Variants in PRKD1 observed in about 807,000 individuals in gnomAD.
PRKD1 encodes the protein protein kinase D1.
Under a neutral mutation model 95.9 loss-of-function variants are expected in PRKD1, and 63 were observed. The observed-to-expected ratio is 0.66, with a 90% CI of 0.54 to 0.81. The LOEUF (loss-of-function observed/expected upper bound fraction) is 0.81, where lower values mean the gene tolerates loss of function less well. Among genes scored for constraint, PRKD1 ranks in the 30% least tolerant of loss-of-function variants. The probability of loss-of-function intolerance (pLI) is 0.00; values close to 1 mark genes in which losing one functional copy is unlikely to be tolerated. For missense variants in PRKD1, 1,048 were observed against 1,165.3 expected, an observed-to-expected ratio of 0.90 and a Z score of 1.47; for synonymous variants, 425 against 423.1, an observed-to-expected ratio of 1.00 and a Z score of -0.05.
At chr14:29,889,501 A>G (rs1391627843) in intron 1 of PRKD1, among the ~76,000 whole-genome samples, 2 of 152,208 alleles carry the variant, frequency 1.3e-5, no homozygotes, top group African/African-American at 2.4e-5. Context: ...ACTGTCCATC[A>G]ATAATAGACT....
intron 1 of PRKD1, among the ~76,000 whole-genome samples, chr14:29,851,147 C>T (rs967182050): frequency 4.6e-5 from 7 of 151,984 alleles, no homozygotes; most frequent in Non-Finnish European, 7.4e-5. Flanking sequence ...AGAAAATGTC[C>T]GTCTTGACAT....
At chr14:29,671,817 A>T (rs1313611171) in intron 2 of PRKD1, among the ~76,000 whole-genome samples, 2 of 152,208 alleles carry the variant, frequency 1.3e-5, no homozygotes, top group African/African-American at 2.4e-5. Context: ...TGTAAGAAGA[A>T]CAGAACATAT....
chr14:29,689,267 A>AG, intron 2 of PRKD1, among the ~76,000 whole-genome samples: 1 of 149,618 alleles, frequency 6.7e-6, no homozygotes, highest in African/African-American at 2.5e-5. Context: ...CAAATTTACA[A>AG]GAAAAAAAAA....
At chr14:29,751,777 T>C (rs1887489839) in intron 1 of PRKD1, among the ~76,000 whole-genome samples, 1 of 152,342 alleles carries the variant, frequency 6.6e-6, no homozygotes, top group Non-Finnish European at 1.5e-5. Flanking sequence ...AGATTGGCCA[T>C]GTGATTTGCT....
chr14:29,679,225 C>G (rs1304685817), intron 2 of PRKD1, among the ~76,000 whole-genome samples: 1 of 152,164 alleles, frequency 6.6e-6, no homozygotes, highest in Non-Finnish European at 1.5e-5. Flanking sequence ...GCAACTTTAG[C>G]CCATCTTCCT....
At chr14:29,652,442 T>A (rs1166637693) in intron 4 of PRKD1, among the ~76,000 whole-genome samples, 1 of 152,166 alleles carries the variant, frequency 6.6e-6, no homozygotes, top group Non-Finnish European at 1.5e-5. Flanking sequence ...AATGGACATA[T>A]ATGATAAGCC....
rs769557893 is a variant in PRKD1 at position 29,663,713 on chromosome 14, CAGGGGCACTTGT to C, written c.670_681del (p.Thr224_Pro227del). ...GGAAGCCATACCAGAAGGGGCTCAT[CAGGGGCACTTGT>C]AGAGAGTTCAGCAGATGATGTGCGG... On this transcript the variant is annotated inframe_deletion, in exon 4 of 18. Transcript: ENST00000331968. 6 of 1,613,790 alleles carry C rather than the reference CAGGGGCACTTGT, an allele frequency of 3.7e-6. No homozygotes were observed. In the Admixed American group the frequency reaches 1.0e-4, roughly 27 times the overall value.
intron 1 of PRKD1, among the ~76,000 whole-genome samples, chr14:29,864,552 C>T (rs1566643508): frequency 6.6e-6 from 1 of 152,068 alleles, no homozygotes; most frequent in Non-Finnish European, 1.5e-5. Flanking sequence ...AAAATACCCC[C>T]CTTCATCATC....
chr14:29,807,401 A>T (rs947960112), intron 1 of PRKD1, among the ~76,000 whole-genome samples: 3 of 147,646 alleles, frequency 2.0e-5, no homozygotes, highest in African/African-American at 4.9e-5. Context: ...TCTTTTTTTA[A>T]AAAAAAAAAA....
At chr14:29,809,909 T>C (rs959700111) in intron 1 of PRKD1, among the ~76,000 whole-genome samples, 2 of 152,232 alleles carry the variant, frequency 1.3e-5, no homozygotes, top group African/African-American at 4.8e-5. Context: ...TAATCATTTA[T>C]AGTTTTTGAT....
intron 2 of PRKD1, among the ~76,000 whole-genome samples, chr14:29,681,797 C>T (rs1566536036): frequency 6.6e-6 from 1 of 152,190 alleles, no homozygotes; most frequent in Non-Finnish European, 1.5e-5. Context: ...ACCAAGCTCA[C>T]TCTCATGGAT....
intron 15 of PRKD1, among the ~76,000 whole-genome samples, chr14:29,598,456 A>G (rs1893395255): frequency 6.6e-6 from 1 of 152,078 alleles, no homozygotes; most frequent in Admixed American, 6.6e-5. Flanking sequence ...GGAAGTGATG[A>G]CCTTCACTCA....
intron 2 of PRKD1, among the ~76,000 whole-genome samples, chr14:29,695,058 C>T (rs560063236): frequency 6.6e-6 from 1 of 152,072 alleles, no homozygotes; most frequent in East Asian, 1.9e-4. Flanking sequence ...TATGGCAAAA[C>T]CCCGTCTCTA....
At chr14:29,805,706 G>C (rs1410083610) in intron 1 of PRKD1, among the ~76,000 whole-genome samples, 1 of 152,198 alleles carries the variant, frequency 6.6e-6, no homozygotes, top group Non-Finnish European at 1.5e-5. Flanking sequence ...CAAGTTCACA[G>C]TGCTAGTGAG....
chr14:29,777,154 T>G (rs992836676), intron 1 of PRKD1, among the ~76,000 whole-genome samples: 18 of 151,934 alleles, frequency 1.2e-4, no homozygotes, highest in African/African-American at 3.6e-4. Context: ...GCACTAAACA[T>G]GGAAAGGAAG....
chr14:29,628,964 TA>T (rs1252416315), intron 11 of PRKD1, 76 bp downstream of exon 11: 3 of 1,088,322 alleles, frequency 2.8e-6, no homozygotes, highest in South Asian at 2.2e-5. Flanking sequence ...TAAAATGAAT[TA>T]AAAAAACTAT....
intron 4 of PRKD1, among the ~76,000 whole-genome samples, chr14:29,649,173 T>A (rs1881329709): frequency 6.6e-6 from 1 of 152,332 alleles, no homozygotes; most frequent in East Asian, 1.9e-4. Flanking sequence ...TGCCTGATTT[T>A]TTTAGCCATT....
At chr14:29,738,970 G>T (rs570300237) in intron 1 of PRKD1, among the ~76,000 whole-genome samples, 6 of 151,932 alleles carry the variant, frequency 3.9e-5, no homozygotes, top group Non-Finnish European at 7.4e-5. Flanking sequence ...GGTGTAGCTG[G>T]TATTATAGGT....
intron 1 of PRKD1, among the ~76,000 whole-genome samples, chr14:29,865,357 G>T (rs1055201015): frequency 5.3e-5 from 8 of 152,274 alleles, no homozygotes; most frequent in Non-Finnish European, 1.0e-4. Context: ...GTTTGCTGTG[G>T]TTCCAACGTC....
Sources: allele counts gnomAD v4.1 joint callset (sites outside exome capture counted in the v4.1 genomes callset), GRCh38; gene constraint gnomAD v4.1.1; transcripts MANE v1.5; gene names NCBI Gene and HGNC (gene_info 2026-07-23, HGNC 2026-07-21).